WDR31: variants seen among roughly 807,000 people sequenced by gnomAD.
WDR31 encodes the protein WD repeat domain 31.
Under a neutral mutation model 47.3 loss-of-function variants are expected in WDR31, and 30 were observed. The ratio of observed to expected loss-of-function variants is 0.63; its 90% CI spans 0.47 to 0.86. The LOEUF is 0.86. WDR31 is among the 40% of genes least tolerant of loss of function. The pLI, the probability that WDR31 is intolerant of heterozygous loss-of-function variation, is 0.00. For missense variants in WDR31, 406 were observed against 442.9 expected, an observed-to-expected ratio of 0.92 and a Z score of 0.75; for synonymous variants, 137 against 159.4, an observed-to-expected ratio of 0.86 and a Z score of 1.06.
At chr9:113,326,843 C>CT (rs554499543) in intron 5 of WDR31, among the ~76,000 whole-genome samples, 27 of 149,620 alleles carry the variant, frequency 1.8e-4, no homozygotes, top group African/African-American at 2.7e-4. Flanking sequence ...TATTGTCTTA[C>CT]TTTTTTTTTT....
At chr9:113,318,321 G>A (rs1236330111) in intron 10 of WDR31, among the ~76,000 whole-genome samples, 154 bp downstream of exon 10, 1 of 152,182 alleles carries the variant, frequency 6.6e-6, no homozygotes, top group Non-Finnish European at 1.5e-5. Context: ...GGGGATACAG[G>A]GGATAGCATC....
At chr9:113,331,656 A>C (rs1356573594) in intron 3 of WDR31, among the ~76,000 whole-genome samples, 1 of 152,176 alleles carries the variant, frequency 6.6e-6, no homozygotes. Context: ...CATGTTGCCA[A>C]GGCTGGTCTC....
At chr9:113,324,169 A>G (rs1208525095) in intron 5 of WDR31, among the ~76,000 whole-genome samples, 4 of 151,894 alleles carry the variant, frequency 2.6e-5, no homozygotes, top group Non-Finnish European at 2.9e-5. Flanking sequence ...CATCATCCCA[A>G]ACTGAAACTC....
In WDR31 at chr9:113,316,427, C is replaced by G. The variant is rs1833200396; in HGVS notation, c.*322G>C. On this transcript the variant is annotated 3_prime_UTR_variant, in exon 11 of 11. Transcript: ENST00000374193. ...TGTTCTGACTTTCACAGACAGAGGC[C>G]TGCCACTCTTACATTTACAGGTCAT... is the stretch of plus-strand genomic sequence containing the variant. 4.8e-6 allele frequency: 1 copy of G among 210,308 alleles called. No homozygotes were observed. Among genetic ancestry groups the G allele is most frequent in the African/African-American group, 2.3e-5 (1 of 43,930 alleles). The allele number at this position is 210,308 out of a possible 1,614,324, so 13.0% of individuals were successfully genotyped here.
chr9:113,327,079 T>A (rs776282555), intron 5 of WDR31, among the ~76,000 whole-genome samples: 2 of 152,182 alleles, frequency 1.3e-5, no homozygotes, highest in Non-Finnish European at 2.9e-5. Flanking sequence ...CAAGCAATCC[T>A]CCTGCCTTGC....
At chr9:113,318,214 T>G (rs1440136843) in intron 10 of WDR31, among the ~76,000 whole-genome samples, 2 of 152,220 alleles carry the variant, frequency 1.3e-5, no homozygotes, top group Non-Finnish European at 2.9e-5. Context: ...ATTTTGAGTG[T>G]CACAAGTTAG....
At chr9:113,331,833 G>A in intron 3 of WDR31, 74 bp downstream of exon 3, 1 of 1,396,430 alleles carries the variant, frequency 7.2e-7, no homozygotes, top group Non-Finnish European at 1.0e-6. Context: ...TTCGCCCTGG[G>A]CCTTCTCTTT....
rs1390839841 is a variant in WDR31, at chr9:113,320,350, C to T, written c.780+7G>A. 1.9e-6 allele frequency: 3 copies of T among 1,613,698 alleles called. No homozygotes were observed. Among genetic ancestry groups the T allele is most frequent in the Non-Finnish European group, 2.5e-6 (3 of 1,179,822 alleles). ...ACCAGATACCTGGACCTCACACAGT[C>T]TCCTACCGTGGCTTCACAGCCTTCT... On this transcript the variant is annotated splice_region_variant and intron_variant, in intron 9 of 10. Coordinates refer to ENST00000374193, the MANE Select transcript of WDR31 (RefSeq NM_001012361.4).
intron 4 of WDR31, among the ~76,000 whole-genome samples, chr9:113,330,099 C>CATTATT (rs1042645877): frequency 6.6e-6 from 1 of 151,916 alleles, no homozygotes; most frequent in African/African-American, 2.4e-5. Context: ...AAATGAGAGA[C>CATTATT]ATTATTATTA....
chr9:113,320,305 A>T, intron 9 of WDR31, 52 bp downstream of exon 9: 2 of 1,602,040 alleles, frequency 1.2e-6, no homozygotes, highest in Non-Finnish European at 1.7e-6. Flanking sequence ...AGGCCAGAGT[A>T]AGTGATCTGT....
At position 113,315,648 on chromosome 9, in the gene WDR31, T is replaced by C. The variant is rs1833174764; in HGVS notation, c.*1101A>G. 6.6e-6 allele frequency: 1 copy of C among 151,974 alleles called. No individual in the cohort carries two copies. The highest frequency in any genetic ancestry group is 1.5e-5 in the Non-Finnish European group (1 of 68,146). The allele number at this position is 151,974 out of a possible 1,614,324, so 9.4% of individuals were successfully genotyped here. A position where few individuals can be genotyped will look rare whatever the true frequency, so the allele number is the denominator to read the frequency against. ...GGCACAGTTGACTCCATCCCTCTCT[T>C]TTTTCCTGTATGTGGTTTTTTGTTT... On this transcript the variant is annotated 3_prime_UTR_variant, in exon 11 of 11. Coordinates refer to ENST00000374193, the MANE Select transcript of WDR31 (RefSeq NM_001012361.4).
chr9:113,326,367 C>CCTTT (rs746974302), intron 5 of WDR31, among the ~76,000 whole-genome samples: 8 of 151,862 alleles, frequency 5.3e-5, no homozygotes, highest in Non-Finnish European at 8.8e-5. Context: ...CCTTTCCTTT[C>CCTTT]CTTTCTTTCT....
At chr9:113,335,486 T>C (rs1355945052) in intron 2 of WDR31, among the ~76,000 whole-genome samples, 1 of 152,210 alleles carries the variant, frequency 6.6e-6, no homozygotes, top group African/African-American at 2.4e-5. Context: ...CTTATGGGCA[T>C]GACCAACCTA....
intron 2 of WDR31, among the ~76,000 whole-genome samples, chr9:113,333,411 G>T (rs1833643789): frequency 8.4e-6 from 1 of 118,818 alleles, no homozygotes. Context: ...GTCTCGCTCT[G>T]TCGCCCAGGC....
chr9:113,338,868 T>G (rs186481174), intron 1 of WDR31, among the ~76,000 whole-genome samples: 3 of 152,324 alleles, frequency 2.0e-5, no homozygotes, highest in Admixed American at 2.0e-4. Flanking sequence ...TCCGCCCACC[T>G]TGGCCTCCCA....
At chr9:113,320,294 G>A (rs1588039855) in intron 9 of WDR31, 63 bp downstream of exon 9, 6 of 1,587,706 alleles carry the variant, frequency 3.8e-6, no homozygotes, top group Non-Finnish European at 5.1e-6. Flanking sequence ...CTACAGGCAT[G>A]AGGCCAGAGT....
chr9:113,333,537 G>A lies in WDR31; in HGVS notation c.-28-1487C>T, dbSNP rs1461058610. Among the ~76,000 whole-genome samples, 51 of 150,940 alleles carry A rather than the reference G, an allele frequency of 3.4e-4. No homozygotes were observed. The East Asian group carries it at 8.2e-3, about 24-fold the overall frequency. ...GCTGGGACTACAGGCGCCCGCCACCGCGCCCGGCTAATTTTTTGTATTTTT... is the reference window on the plus strand; with the variant it reads ...GCTGGGACTACAGGCGCCCGCCACCACGCCCGGCTAATTTTTTGTATTTTT... On this transcript the variant is annotated intron_variant, in intron 2 of 10. Coordinates refer to ENST00000374193, the MANE Select transcript of WDR31 (RefSeq NM_001012361.4).
intron 5 of WDR31, among the ~76,000 whole-genome samples, chr9:113,323,925 T>C (rs959311872): frequency 7.2e-5 from 11 of 152,242 alleles, no homozygotes; most frequent in Non-Finnish European, 1.3e-4. Flanking sequence ...AATACAACTT[T>C]GCTTGATATT....
intron 5 of WDR31, among the ~76,000 whole-genome samples, chr9:113,324,894 TACTA>T (rs554080487): frequency 2.1e-3 from 313 of 151,778 alleles, no homozygotes; most frequent in East Asian, 7.7e-3. Context: ...GTTCTATATT[TACTA>T]ACTGTTTTAC....
Sources: gnomAD v4.1 joint callset for allele counts (sites outside exome capture counted in the v4.1 genomes callset) on GRCh38, gnomAD v4.1.1 for gene constraint, MANE v1.5 for transcripts, NCBI Gene and HGNC (gene_info 2026-07-23, HGNC 2026-07-21) for gene names.